GAS7: variants seen among roughly 807,000 people sequenced by gnomAD.
GAS7 encodes the protein growth arrest-specific protein 7.
A neutral mutation model predicts 71.1 loss-of-function variants in GAS7; 28 were observed. The ratio of observed to expected loss-of-function variants is 0.39; its 90% CI spans 0.29 to 0.54. The LOEUF (loss-of-function observed/expected upper bound fraction) is 0.54. GAS7 is among the 20% of genes least tolerant of loss of function. The pLI, the probability that GAS7 is intolerant of heterozygous loss-of-function variation, is 0.62. For missense variants in GAS7, 436 were observed against 627.8 expected (o/e 0.69, Z 3.27); for synonymous variants, 258 against 245.8 (o/e 1.05, Z -0.46).
At chr17:9,948,670 G>A (rs1435498588) in intron 5 of GAS7, among the ~76,000 whole-genome samples, 1 of 150,882 alleles carries the variant, frequency 6.6e-6, no homozygotes, top group Non-Finnish European at 1.5e-5. Context: ...GTGACAGAGT[G>A]AGACTCCCCC....
chr17:10,091,136 T>C (rs964040057), intron 1 of GAS7, among the ~76,000 whole-genome samples: 5 of 152,072 alleles, frequency 3.3e-5, no homozygotes, highest in African/African-American at 9.7e-5. Context: ...CCATTCATCC[T>C]CTACCCAGCA....
At position 10,103,170 on chromosome 17, in the gene GAS7, T is replaced by C. The variant is rs2073722845; in HGVS notation, c.184-83273A>G. Among the ~76,000 whole-genome samples the C allele has an allele frequency of 6.6e-6, 1 of 151,176 alleles. No homozygotes were observed. The highest frequency in any genetic ancestry group is 2.1e-4 in the South Asian group (1 of 4,778). On this transcript the variant is annotated intron_variant, in intron 1 of 13. Transcript: ENST00000432992. The surrounding 1 kb of genome is among the most constrained non-coding windows in gnomAD (Gnocchi z 5.5). Reference sequence around the variant, plus strand: ...GAGTTTGAGACCAGCCTGGGCAATATGGCAAAACCCCTCCTCTAAAAAAAT... The same window carrying C: ...GAGTTTGAGACCAGCCTGGGCAATACGGCAAAACCCCTCCTCTAAAAAAAT...
chr17:10,148,292 C>T (rs749254303), intron 1 of GAS7, among the ~76,000 whole-genome samples: 2 of 151,994 alleles, frequency 1.3e-5, no homozygotes, highest in African/African-American at 4.8e-5. Context: ...CCTTGGATAA[C>T]TGTTTGCTGC....
At chr17:10,081,946 G>T (rs1291771060) in intron 1 of GAS7, among the ~76,000 whole-genome samples, 7 of 152,194 alleles carry the variant, frequency 4.6e-5, no homozygotes, top group African/African-American at 1.4e-4. Flanking sequence ...TACACGAGGG[G>T]ACAGGCATAA....
intron 3 of GAS7, among the ~76,000 whole-genome samples, chr17:9,980,597 C>A (rs910265936): frequency 1.3e-5 from 2 of 152,154 alleles, no homozygotes; most frequent in Non-Finnish European, 2.9e-5. Flanking sequence ...CTCCTGAAGT[C>A]GAAAACCAAC....
At chr17:10,019,994 C>T (rs953819203) in intron 1 of GAS7, 97 bp from the exon 2 acceptor site, 4 of 1,194,080 alleles carry the variant, frequency 3.3e-6, no homozygotes, top group South Asian at 2.7e-5. Context: ...CCTACAGTAG[C>T]GTGACATTGG....
rs3051271 is a variant in GAS7 at position 10,150,591 on chromosome 17, C to CTTTTTTTTTTTTT, written c.183+47604_183+47616dup. ...ACTCAGTAATGAGGCTGTTACATTT[C>CTTTTTTTTTTTTT]TTTTTTTTTTTTTTTTAGACAGGGT... On this transcript the variant is annotated intron_variant, in intron 1 of 13. Coordinates refer to ENST00000432992, the MANE Select transcript of GAS7 (RefSeq NM_201433.2). 1.8e-4 allele frequency among the ~76,000 whole-genome samples: 22 copies of CTTTTTTTTTTTTT among 118,946 alleles called. 1 individual carries two copies. The highest frequency in any genetic ancestry group is 4.8e-4 in the African/African-American group (14 of 29,176). The allele number at this position is 118,946 out of a possible 152,430, so 78.0% of individuals were successfully genotyped here.
rs2073892489 is a variant in GAS7 at position 10,120,054 on chromosome 17, G to A, written c.183+78154C>T. Among the ~76,000 whole-genome samples the A allele has an allele frequency of 2.0e-5, 3 of 152,196 alleles. No homozygotes were observed. The South Asian group carries it at 6.2e-4, about 31-fold the overall frequency. The stretch of plus-strand genomic sequence containing the variant: ...ACTGCTAGTGAGCAGAGCACCAAGG[G>A]TTTTCCTGCTGGGAAGAAATGCAAG... On this transcript the variant is annotated intron_variant, in intron 1 of 13. Transcript: ENST00000432992.
chr17:10,020,988 A>G (rs970238382), intron 1 of GAS7, among the ~76,000 whole-genome samples: 2 of 151,814 alleles, frequency 1.3e-5, no homozygotes, highest in Admixed American at 6.6e-5. Context: ...ATTACAGGCA[A>G]TTATTATACT....
At chr17:10,072,124 C>G (rs978244324) in intron 1 of GAS7, among the ~76,000 whole-genome samples, 2 of 151,976 alleles carry the variant, frequency 1.3e-5, no homozygotes, top group South Asian at 2.1e-4. Context: ...TTAGAAATGC[C>G]CTAGGAAGCC....
chr17:9,954,788 A>C (rs2069162855), intron 5 of GAS7, among the ~76,000 whole-genome samples: 1 of 152,100 alleles, frequency 6.6e-6, no homozygotes, highest in Non-Finnish European at 1.5e-5. Context: ...CCAAAAGATC[A>C]ATGGTGCTGA....
chr17:10,102,780 C>T (rs16959323), intron 1 of GAS7, among the ~76,000 whole-genome samples: 57,618 of 150,480 alleles, frequency 0.38, 13,023 homozygotes, highest in African/African-American at 0.65. Context: ...GTTTCCGGGT[C>T]TTTATGTTCC....
intron 1 of GAS7, among the ~76,000 whole-genome samples, chr17:10,088,705 T>C (rs1177978603): frequency 3.9e-5 from 6 of 152,162 alleles, no homozygotes; most frequent in Non-Finnish European, 5.9e-5. Flanking sequence ...TCTGGAGCGG[T>C]TGCTTCCCAT....
At chr17:10,118,800 G>A (rs2073883365) in intron 1 of GAS7, among the ~76,000 whole-genome samples, 1 of 151,648 alleles carries the variant, frequency 6.6e-6, no homozygotes, top group Non-Finnish European at 1.5e-5. Flanking sequence ...TTAACCATGA[G>A]GACCAAGCAG....
chr17:10,142,004 G>A (rs1343556552), intron 1 of GAS7, among the ~76,000 whole-genome samples: 11 of 151,836 alleles, frequency 7.2e-5, no homozygotes, highest in African/African-American at 2.2e-4. Flanking sequence ...CGAGGTGGGC[G>A]GATCACGAGG....
chr17:9,919,572 G>A lies in GAS7; in HGVS notation c.1218+54C>T. ...CCGCGCCCACCAACAACCACCAGGGGCTGCTCTGTGTCAGCCTCTGTACTG... is the reference window on the plus strand; with the variant it reads ...CCGCGCCCACCAACAACCACCAGGGACTGCTCTGTGTCAGCCTCTGTACTG... On this transcript the variant is annotated intron_variant, in intron 12 of 13. Coordinates refer to ENST00000432992, the MANE Select transcript of GAS7 (RefSeq NM_201433.2). This position sits in a 1 kb window ranked among gnomAD's most constrained non-coding sequence, Gnocchi z 5.0. The A allele has an allele frequency of 1.6e-6, 2 of 1,288,290 alleles. No homozygotes were observed. Among genetic ancestry groups the A allele is most frequent in the Non-Finnish European group, 2.3e-6 (2 of 882,098 alleles). The allele number at this position is 1,288,290 out of a possible 1,614,324, so 79.8% of individuals were successfully genotyped here. A position where few individuals can be genotyped will look rare whatever the true frequency, so the allele number is the denominator to read the frequency against.
At chr17:10,133,324 T>C (rs1290867667) in intron 1 of GAS7, among the ~76,000 whole-genome samples, 1 of 152,016 alleles carries the variant, frequency 6.6e-6, no homozygotes, top group Admixed American at 6.6e-5. Flanking sequence ...GGTTTCACCA[T>C]GTTGGCCAGG....
At chr17:10,117,895 G>T (rs1038594440) in intron 1 of GAS7, among the ~76,000 whole-genome samples, 1 of 152,110 alleles carries the variant, frequency 6.6e-6, no homozygotes, top group Non-Finnish European at 1.5e-5. Context: ...GCTGAATGTG[G>T]AATGTGAGAA....
At chr17:10,008,682 C>T (rs2071632537) in intron 2 of GAS7, among the ~76,000 whole-genome samples, 1 of 152,124 alleles carries the variant, frequency 6.6e-6, no homozygotes, top group East Asian at 1.9e-4. Context: ...TAATAGGAAG[C>T]TTTAAGCTCT....
Sources: allele counts gnomAD v4.1 joint callset (sites outside exome capture counted in the v4.1 genomes callset), GRCh38; gene constraint gnomAD v4.1.1; non-coding constraint Gnocchi (gnomAD v3.1); transcripts MANE v1.5; gene names NCBI Gene and HGNC (gene_info 2026-07-23, HGNC 2026-07-21).